The following TOX2 variants were observed in gnomAD, a reference collection of about 807,000 sequenced individuals.
TOX2 encodes the protein granulosa cell HMG box 1.
A neutral mutation model predicts 47.4 loss-of-function variants in TOX2; 15 were observed. The observed-to-expected ratio is 0.32, with a 90% CI of 0.21 to 0.49. The LOEUF (loss-of-function observed/expected upper bound fraction) is 0.49. Among genes scored for constraint, TOX2 ranks in the 20% least tolerant of loss-of-function variants. The pLI, the probability that TOX2 is intolerant of heterozygous loss-of-function variation, is 0.99. For synonymous variants in TOX2, 290 were observed against 296.6 expected (o/e 0.98, Z 0.23); for missense variants, 622 against 673.1 (o/e 0.92, Z 0.84).
chr20:43,941,596 G>A (rs1268118458), intron 1 of TOX2, among the ~76,000 whole-genome samples: 2 of 152,192 alleles, frequency 1.3e-5, no homozygotes, highest in African/African-American at 2.4e-5. Flanking sequence ...GCCTCCCAAA[G>A]TGTTGGGATT....
At chr20:43,998,843 C>A (rs974399439) in intron 2 of TOX2, among the ~76,000 whole-genome samples, 1 of 152,044 alleles carries the variant, frequency 6.6e-6, no homozygotes, top group Non-Finnish European at 1.5e-5. Context: ...CACTGCAACC[C>A]CTGCTTCCCG....
At position 43,952,940 on chromosome 20, in the gene TOX2, G is replaced by A. The variant is rs560000470; in HGVS notation, c.100-20427G>A. On this transcript the variant is annotated intron_variant, in intron 1 of 8. Coordinates refer to ENST00000341197, the MANE Select transcript of TOX2 (RefSeq NM_001098797.2). ...GATTAAGGGTCTTGGGATGGGGAGA[G>A]TATCATGGGTTGTCTGGGTGGGCCC... Among the ~76,000 whole-genome samples the A allele has an allele frequency of 4.6e-5, 7 of 152,142 alleles. No individual in the cohort carries two copies. In the South Asian group the frequency reaches 1.5e-3, roughly 32 times the overall value.
intron 1 of TOX2, among the ~76,000 whole-genome samples, chr20:43,922,021 A>G (rs1302162363): frequency 2.0e-5 from 3 of 152,082 alleles, no homozygotes; most frequent in Non-Finnish European, 2.9e-5. Context: ...GAGGCAGAGA[A>G]ATTGGTTCAA....
chr20:43,973,502 T>G lies in TOX2; in HGVS notation c.165+70T>G, dbSNP rs74780310. The G allele has an allele frequency of 0.013, 19,668 of 1,470,018 alleles. 1,134 individuals carry two copies. In the African/African-American group the frequency reaches 0.13, roughly 10 times the overall value. 91.1% of individuals were successfully genotyped at this position (1,470,018 alleles called of 1,614,324 possible). A position where few individuals can be genotyped will look rare whatever the true frequency, so the allele number is the denominator to read the frequency against. On this transcript the variant is annotated intron_variant, in intron 2 of 8. Coordinates refer to ENST00000341197, the MANE Select transcript of TOX2 (RefSeq NM_001098797.2). Reference sequence around the variant, plus strand: ...TGGCTGGATCTGAGCTGTTCCTGGGTGGAGGTAGGGGGTGCAGAATGGGGC... The same window carrying G: ...TGGCTGGATCTGAGCTGTTCCTGGGGGGAGGTAGGGGGTGCAGAATGGGGC...
intron 5 of TOX2, among the ~76,000 whole-genome samples, chr20:44,062,792 C>T (rs1299158833): frequency 6.6e-6 from 1 of 151,220 alleles, no homozygotes. Flanking sequence ...TAAAAATAGG[C>T]ATATAGACCA....
chr20:44,063,936 A>G (rs1362298276), intron 5 of TOX2, among the ~76,000 whole-genome samples: 2 of 152,210 alleles, frequency 1.3e-5, no homozygotes, highest in Admixed American at 6.5e-5. Flanking sequence ...GTATGTTCTC[A>G]TAAGTGGGAA....
intron 3 of TOX2, among the ~76,000 whole-genome samples, chr20:44,009,261 G>A (rs2070740872): frequency 6.6e-6 from 1 of 152,106 alleles, no homozygotes; most frequent in African/African-American, 2.4e-5. Context: ...AAAAAGCGGT[G>A]TCCTCTGTGT....
chr20:43,921,405 C>T (rs570771045), intron 1 of TOX2, among the ~76,000 whole-genome samples: 189 of 152,334 alleles, frequency 1.2e-3, no homozygotes, highest in African/African-American at 4.1e-3. Context: ...GCCTTCACCA[C>T]CATCAGGGCA....
chr20:43,942,307 C>T (rs2069412561), intron 1 of TOX2, among the ~76,000 whole-genome samples: 1 of 152,198 alleles, frequency 6.6e-6, no homozygotes, highest in African/African-American at 2.4e-5. Context: ...TCTAAGGGTA[C>T]AGCCAGGATT....
intron 3 of TOX2, among the ~76,000 whole-genome samples, chr20:44,043,669 T>C (rs140899791): frequency 1.1e-4 from 16 of 152,354 alleles, no homozygotes; most frequent in African/African-American, 3.8e-4. Context: ...GTTTATATTA[T>C]TTCCAGTTTT....
At chr20:43,950,457 C>T (rs550098610) in intron 1 of TOX2, among the ~76,000 whole-genome samples, 12 of 152,286 alleles carry the variant, frequency 7.9e-5, no homozygotes, top group Admixed American at 7.2e-4. Flanking sequence ...CACACTCCAT[C>T]CCCAGTTGCC....
intron 2 of TOX2, among the ~76,000 whole-genome samples, chr20:43,976,526 G>A (rs2070079276): frequency 6.6e-6 from 1 of 152,202 alleles, no homozygotes. Context: ...TCAAGGAATG[G>A]AGAAATAGCC....
At chr20:43,948,063 T>C (rs2069501295) in intron 1 of TOX2, among the ~76,000 whole-genome samples, 1 of 152,130 alleles carries the variant, frequency 6.6e-6, no homozygotes, top group African/African-American at 2.4e-5. Context: ...TAAAATGACA[T>C]TGTTAGGAGG....
intron 3 of TOX2, among the ~76,000 whole-genome samples, chr20:44,028,399 G>A (rs2145678312): frequency 6.6e-6 from 1 of 152,308 alleles, no homozygotes; most frequent in Middle Eastern, 3.4e-3. Flanking sequence ...CTCATTGCTG[G>A]AGGAGAAAAT....
At chr20:44,038,803 G>A (rs1297826867) in intron 3 of TOX2, among the ~76,000 whole-genome samples, 1 of 152,186 alleles carries the variant, frequency 6.6e-6, no homozygotes. Context: ...CACTGTGTGG[G>A]GTTACACTAA....
intron 1 of TOX2, among the ~76,000 whole-genome samples, chr20:43,938,772 A>G (rs1218355599): frequency 6.6e-6 from 1 of 152,212 alleles, no homozygotes; most frequent in African/African-American, 2.4e-5. Context: ...ACCACATGGC[A>G]GGCAAAGAGC....
Position 43,997,212 on chromosome 20 carries a change from A to T in TOX2, c.166-9335A>T, listed in dbSNP as rs557769721. ...AACTTTCATGTAAGCACTAACTGGG[A>T]TAAAGTAGAAAGCCATCACTAATAA... On this transcript the variant is annotated intron_variant, in intron 2 of 8. Transcript: ENST00000341197. 2.4e-3 allele frequency among the ~76,000 whole-genome samples: 359 copies of T among 152,344 alleles called. 2 individuals are homozygous for T. Among genetic ancestry groups the T allele is most frequent in the African/African-American group, 8.4e-3 (348 of 41,578 alleles).
At position 43,985,592 on chromosome 20, in the gene TOX2, T is replaced by C. The variant is rs570620105; in HGVS notation, c.165+12160T>C. ...GTGTTTATATCCAAAGTGGTTATTC[T>C]AGTGCTTGGTACATAGCAATTGGTA... On this transcript the variant is annotated intron_variant, in intron 2 of 8. Transcript: ENST00000341197. Among the ~76,000 whole-genome samples, 111 of 152,330 alleles carry C rather than the reference T, an allele frequency of 7.3e-4. No individual in the cohort carries two copies. The Middle Eastern group carries it at 0.01, about 14-fold the overall frequency.
intron 4 of TOX2, 141 bp downstream of exon 4, chr20:44,051,686 C>A: frequency 7.6e-7 from 1 of 1,307,860 alleles, no homozygotes; most frequent in South Asian, 1.8e-5. Context: ...GCCATTCCCA[C>A]TGAGCAGGCG....
Sources: allele counts gnomAD v4.1 joint callset (sites outside exome capture counted in the v4.1 genomes callset), GRCh38; gene constraint gnomAD v4.1.1; transcripts MANE v1.5; gene names NCBI Gene and HGNC (gene_info 2026-07-23, HGNC 2026-07-21).